The following UBE2E2 variants were observed in gnomAD, a reference collection of about 807,000 sequenced individuals.
UBE2E2 encodes the protein ubiquitin-conjugating enzyme E2 E2.
In UBE2E2, 6 loss-of-function variants were observed where a neutral mutation model predicts 24.7. That is an observed-to-expected ratio of 0.24 (90% CI 0.13 to 0.48). The LOEUF is 0.48. UBE2E2 is among the 20% of genes least tolerant of loss of function. UBE2E2 has a pLI of 0.99. For synonymous variants in UBE2E2, 104 were observed against 83.6 expected, an observed-to-expected ratio of 1.24 and a Z score of -1.33; for missense variants, 169 against 245.0, an observed-to-expected ratio of 0.69 and a Z score of 2.07.
intron 3 of UBE2E2, among the ~76,000 whole-genome samples, chr3:23,237,134 T>A (rs1235411159): frequency 6.6e-6 from 1 of 152,146 alleles, no homozygotes; most frequent in Non-Finnish European, 1.5e-5. Context: ...TGGGGTTGTG[T>A]GAGGATTATA....
In UBE2E2 at chr3:23,590,821, A is replaced by G. The variant is rs1402265297; in HGVS notation, c.*990A>G. 1 of 152,238 alleles carries G rather than the reference A, an allele frequency of 6.6e-6. No individual in the cohort carries two copies. Among genetic ancestry groups the G allele is most frequent in the Non-Finnish European group, 1.5e-5 (1 of 68,044 alleles). 9.4% of individuals were successfully genotyped at this position (152,238 alleles called of 1,614,324 possible). On this transcript the variant is annotated 3_prime_UTR_variant, in exon 6 of 6. Coordinates refer to ENST00000396703, the MANE Select transcript of UBE2E2 (RefSeq NM_152653.4). ...ATTGACTGGGCATTCTTTCTGTTAC[A>G]GCCTTCTTTATCAACAATTAAAATA... is the stretch of plus-strand genomic sequence containing the variant.
intron 5 of UBE2E2, among the ~76,000 whole-genome samples, chr3:23,573,965 G>A (rs760498074): frequency 2.6e-5 from 4 of 152,046 alleles, no homozygotes; most frequent in Non-Finnish European, 5.9e-5. Context: ...AAAGCTGTGT[G>A]CAATGCTTAA....
rs549793867 is a variant in UBE2E2, at chr3:23,425,007, AGT to A, written c.228-74600_228-74599del. ...TTTGGAAAACTTAAATTATATACAA[AGT>A]AGAAAATTAGTATAATAAAGACTTT... is the stretch of plus-strand genomic sequence containing the variant. On this transcript the variant is annotated intron_variant, in intron 3 of 5. Coordinates refer to ENST00000396703, the MANE Select transcript of UBE2E2 (RefSeq NM_152653.4). 3.2e-3 allele frequency among the ~76,000 whole-genome samples: 489 copies of A among 152,332 alleles called. 1 individual carries two copies. The highest frequency in any genetic ancestry group is 5.3e-3 in the Non-Finnish European group (361 of 68,016).
intron 3 of UBE2E2, among the ~76,000 whole-genome samples, chr3:23,392,994 G>A (rs1696976368): frequency 6.6e-6 from 1 of 152,158 alleles, no homozygotes; most frequent in Non-Finnish European, 1.5e-5. Flanking sequence ...AAGTGGCGAT[G>A]GAGGCCAAAT....
At chr3:23,363,422 C>T (rs1696175531) in intron 3 of UBE2E2, among the ~76,000 whole-genome samples, 1 of 152,156 alleles carries the variant, frequency 6.6e-6, no homozygotes, top group East Asian at 1.9e-4. Flanking sequence ...TGCAATGACA[C>T]TCATAGGCTA....
intron 3 of UBE2E2, among the ~76,000 whole-genome samples, chr3:23,400,776 T>A (rs2125370841): frequency 6.6e-6 from 1 of 152,198 alleles, no homozygotes; most frequent in African/African-American, 2.4e-5. Flanking sequence ...CAGACTTCCT[T>A]CCCTCCCTTT....
intron 5 of UBE2E2, chr3:23,534,235 C>T (rs1695200376): frequency 2.0e-6 from 2 of 983,892 alleles, no homozygotes; most frequent in South Asian, 9.4e-5. Context: ...ATATGACAGC[C>T]TGTTCTCTCT....
chr3:23,538,317 T>G (rs1375061168), intron 5 of UBE2E2, among the ~76,000 whole-genome samples: 1 of 152,164 alleles, frequency 6.6e-6, no homozygotes, highest in African/African-American at 2.4e-5. Context: ...TAAAAGTCAC[T>G]CTAATCAATA....
At chr3:23,298,873 G>A (rs950927053) in intron 3 of UBE2E2, among the ~76,000 whole-genome samples, 2 of 152,020 alleles carry the variant, frequency 1.3e-5, no homozygotes, top group African/African-American at 2.4e-5. Context: ...GTACTAGCTC[G>A]TCTTTGTACC....
intron 5 of UBE2E2, among the ~76,000 whole-genome samples, chr3:23,575,808 T>C (rs1575718895): frequency 6.6e-6 from 1 of 152,274 alleles, no homozygotes; most frequent in Non-Finnish European, 1.5e-5. Flanking sequence ...GACTGTAATA[T>C]AGTTCTAACA....
intron 3 of UBE2E2, among the ~76,000 whole-genome samples, chr3:23,276,305 T>A (rs1447273613): frequency 6.6e-6 from 1 of 152,198 alleles, no homozygotes; most frequent in African/African-American, 2.4e-5. Context: ...TTTTTGATTT[T>A]AAATTTTAGT....
At chr3:23,525,327 G>T (rs919855397) in intron 4 of UBE2E2, among the ~76,000 whole-genome samples, 1 of 152,122 alleles carries the variant, frequency 6.6e-6, no homozygotes, top group African/African-American at 2.4e-5. Context: ...GGGCAAGAGG[G>T]CATTATTCCA....
At chr3:23,371,833 T>C (rs911094662) in intron 3 of UBE2E2, among the ~76,000 whole-genome samples, 2 of 152,086 alleles carry the variant, frequency 1.3e-5, no homozygotes, top group African/African-American at 4.8e-5. Flanking sequence ...TAAAAGTCAT[T>C]GAGACTGGGC....
At chr3:23,258,528 G>C (rs1697799577) in intron 3 of UBE2E2, among the ~76,000 whole-genome samples, 1 of 152,142 alleles carries the variant, frequency 6.6e-6, no homozygotes, top group Admixed American at 6.5e-5. Flanking sequence ...ACAGTAAAAT[G>C]AGCTGTCTAC....
At chr3:23,356,682 G>GA (rs1459920154) in intron 3 of UBE2E2, among the ~76,000 whole-genome samples, 1 of 152,114 alleles carries the variant, frequency 6.6e-6, no homozygotes, top group African/African-American at 2.4e-5. Flanking sequence ...TTCTCTTTTA[G>GA]AAAATCTTCT....
chr3:23,532,365 G>A (rs1356150969), intron 4 of UBE2E2, among the ~76,000 whole-genome samples, 189 bp from the exon 5 acceptor site: 1 of 152,078 alleles, frequency 6.6e-6, no homozygotes, highest in Non-Finnish European at 1.5e-5. Context: ...TGCCCAAAAT[G>A]ACAAATTCTA....
chr3:23,217,397 A>T (rs1696506390), intron 3 of UBE2E2, 85 bp downstream of exon 3: 1 of 1,213,196 alleles, frequency 8.2e-7, no homozygotes, highest in African/African-American at 1.5e-5. Flanking sequence ...CTGTTGTTGT[A>T]GTCTGATTAA....
intron 3 of UBE2E2, among the ~76,000 whole-genome samples, chr3:23,319,367 T>C (rs1446948682): frequency 6.6e-6 from 1 of 152,224 alleles, no homozygotes; most frequent in Non-Finnish European, 1.5e-5. Flanking sequence ...TCTCCTTTAA[T>C]GTTTTAGCTT....
intron 3 of UBE2E2, among the ~76,000 whole-genome samples, chr3:23,406,032 T>C (rs899597736): frequency 3.3e-5 from 5 of 152,238 alleles, no homozygotes; most frequent in African/African-American, 1.2e-4. Flanking sequence ...TTGTGAAGAA[T>C]ATGTGTTTGT....
Sources: allele counts gnomAD v4.1 joint callset (sites outside exome capture counted in the v4.1 genomes callset), GRCh38; gene constraint gnomAD v4.1.1; transcripts MANE v1.5; gene names NCBI Gene and HGNC (gene_info 2026-07-23, HGNC 2026-07-21).